Variants in PCSK5 observed in about 807,000 individuals in gnomAD.
The protein encoded by PCSK5 is prohormone convertase 5.
A neutral mutation model predicts 233.2 loss-of-function variants in PCSK5; 129 were observed. The observed-to-expected ratio is 0.55, with a 90% CI of 0.48 to 0.64. PCSK5 has a LOEUF of 0.64. PCSK5 is among the 30% of genes least tolerant of loss of function. The probability of loss-of-function intolerance (pLI) is 0.00; values close to 1 mark genes in which losing one functional copy is unlikely to be tolerated. For synonymous variants in PCSK5, 825 were observed against 879.2 expected, an observed-to-expected ratio of 0.94 and a Z score of 1.09; for missense variants, 2,076 against 2,430.1, an observed-to-expected ratio of 0.85 and a Z score of 3.06.
At chr9:76,222,409 T>C (rs948234382) in intron 20 of PCSK5, among the ~76,000 whole-genome samples, 1 of 152,164 alleles carries the variant, frequency 6.6e-6, no homozygotes, top group Non-Finnish European at 1.5e-5. Flanking sequence ...TGGCATTAAA[T>C]ACATTCACAC....
intron 12 of PCSK5, among the ~76,000 whole-genome samples, chr9:76,163,918 T>G (rs1336524802): frequency 6.7e-6 from 1 of 149,308 alleles, no homozygotes; most frequent in Non-Finnish European, 1.5e-5. Flanking sequence ...TTAGCTTAGA[T>G]GTACTGGCCC....
At chr9:76,338,810 C>T (rs1460570193) in intron 35 of PCSK5, among the ~76,000 whole-genome samples, 1 of 152,110 alleles carries the variant, frequency 6.6e-6, no homozygotes, top group Non-Finnish European at 1.5e-5. Context: ...CTCTCCCAAG[C>T]TCCATGCCTC....
intron 3 of PCSK5, among the ~76,000 whole-genome samples, chr9:76,003,550 T>C (rs1455787429): frequency 6.6e-6 from 1 of 152,240 alleles, no homozygotes; most frequent in Non-Finnish European, 1.5e-5. Flanking sequence ...TATACACACA[T>C]GGAATGTTTT....
intron 20 of PCSK5, among the ~76,000 whole-genome samples, chr9:76,216,425 A>G (rs1475799854): frequency 6.6e-6 from 1 of 152,212 alleles, no homozygotes; most frequent in Non-Finnish European, 1.5e-5. Context: ...TTGAGGTTGC[A>G]CAAGTTAGCT....
At chr9:76,351,540 A>AGAAAGAAAGAAAGAAAG (rs1564197023) in intron 36 of PCSK5, among the ~76,000 whole-genome samples, 1 of 96,740 alleles carries the variant, frequency 1.0e-5, no homozygotes, top group African/African-American at 3.3e-5. Context: ...AAGGAAGGAA[A>AGAAAGAAAGAAAGAAAG]GAAAGAGAAA....
intron 5 of PCSK5, among the ~76,000 whole-genome samples, chr9:76,027,910 C>A (rs913928421): frequency 3.9e-5 from 6 of 152,086 alleles, no homozygotes; most frequent in Non-Finnish European, 5.9e-5. Context: ...AACTGTTTAA[C>A]CCATTTATTT....
intron 5 of PCSK5, among the ~76,000 whole-genome samples, chr9:76,028,079 C>G (rs1370457565): frequency 7.2e-5 from 11 of 152,202 alleles, no homozygotes; most frequent in Admixed American, 3.9e-4. Flanking sequence ...AACAAAATAA[C>G]TGTAGAAACA....
intron 3 of PCSK5, among the ~76,000 whole-genome samples, chr9:76,017,823 A>G (rs1828011483): frequency 6.6e-6 from 1 of 152,156 alleles, no homozygotes; most frequent in African/African-American, 2.4e-5. Flanking sequence ...TAAACATCTT[A>G]GGACTTAACT....
intron 1 of PCSK5, among the ~76,000 whole-genome samples, chr9:75,931,020 A>G (rs987303118): frequency 1.2e-4 from 19 of 152,176 alleles, no homozygotes; most frequent in African/African-American, 4.3e-4. Context: ...TTCAGAGTGC[A>G]GGATTTCATC....
At chr9:76,209,809 ATATAT>A (rs2131283418) in intron 20 of PCSK5, among the ~76,000 whole-genome samples, 1 of 151,068 alleles carries the variant, frequency 6.6e-6, no homozygotes, top group African/African-American at 2.4e-5. Flanking sequence ...CAATTTAAAT[ATATAT>A]TAAATTATAA....
intron 35 of PCSK5, among the ~76,000 whole-genome samples, chr9:76,348,436 A>C (rs1403341359): frequency 6.6e-6 from 1 of 151,684 alleles, no homozygotes; most frequent in African/African-American, 2.4e-5. Context: ...AATATATATT[A>C]GTTGGGTATG....
In PCSK5 at chr9:76,053,428, G is replaced by A. The variant is rs189068026; in HGVS notation, c.633-14527G>A. On this transcript the variant is annotated intron_variant, in intron 5 of 37. Coordinates refer to ENST00000674117, the MANE Select transcript of PCSK5 (RefSeq NM_001372043.1). ...CTGCCGTGGGCTTGAATTTCTCCCC[G>A]AAAATGGGTTCTTCTTTTCTATTGC... 4.4e-3 allele frequency among the ~76,000 whole-genome samples: 668 copies of A among 152,290 alleles called. 8 individuals carry two copies. Among genetic ancestry groups the A allele is most frequent in the African/African-American group, 0.014 (586 of 41,564 alleles).
At chr9:76,209,616 T>A (rs1469949219) in intron 20 of PCSK5, 6 of 491,576 alleles carry the variant, frequency 1.2e-5, no homozygotes, top group Non-Finnish European at 2.0e-5. Flanking sequence ...AATAGTCAAC[T>A]TATTTATTTA....
chr9:76,173,495 C>CTTTTTTTTTTTTTTTTTTTTTTTTTTT (rs1587715951), intron 13 of PCSK5, among the ~76,000 whole-genome samples: 14 of 34,578 alleles, frequency 4.0e-4, no homozygotes, highest in East Asian at 8.8e-4. Flanking sequence ...AGGCACGTTT[C>CTTTTTTTTTTTTTTTTTTTTTTTTTTT]CTTTTTTTTT....
chr9:76,197,616 CAG>C (rs1231928716), intron 20 of PCSK5, among the ~76,000 whole-genome samples: 3 of 152,164 alleles, frequency 2.0e-5, no homozygotes, highest in African/African-American at 7.2e-5. Context: ...CAGCCTTGCA[CAG>C]AGAGAGCAAT....
intron 5 of PCSK5, among the ~76,000 whole-genome samples, chr9:76,054,054 G>T (rs1016633288): frequency 6.6e-6 from 1 of 152,144 alleles, no homozygotes; most frequent in African/African-American, 2.4e-5. Context: ...CTTACATGGC[G>T]GCAGGCAGGA....
At chr9:76,063,867 G>T (rs1830133537) in intron 5 of PCSK5, among the ~76,000 whole-genome samples, 1 of 61,852 alleles carries the variant, frequency 1.6e-5, no homozygotes, top group African/African-American at 1.3e-4. Context: ...ACGGGGTGGT[G>T]GCCGGGCAGA....
intron 9 of PCSK5, among the ~76,000 whole-genome samples, chr9:76,111,941 A>G (rs1832235282): frequency 6.6e-6 from 1 of 152,202 alleles, no homozygotes; most frequent in Non-Finnish European, 1.5e-5. Flanking sequence ...TTTATAAAAT[A>G]AAGTCAAAAT....
chr9:76,138,111 C>T (rs562594570), intron 10 of PCSK5, among the ~76,000 whole-genome samples: 1 of 152,148 alleles, frequency 6.6e-6, no homozygotes, highest in Non-Finnish European at 1.5e-5. Flanking sequence ...CAACCCAACA[C>T]ATGTTGAAGT....
Sources: allele counts gnomAD v4.1 joint callset (sites outside exome capture counted in the v4.1 genomes callset), GRCh38; gene constraint gnomAD v4.1.1; transcripts MANE v1.5; gene names NCBI Gene and HGNC (gene_info 2026-07-23, HGNC 2026-07-21).